The following RGS3 variants were observed in gnomAD, a reference collection of about 807,000 sequenced individuals.
The protein encoded by RGS3 is regulator of G-protein signalling 3.
RGS3 carries 80 observed loss-of-function variants against 132.6 expected under a neutral mutation model. The observed-to-expected ratio is 0.60, with a 90% CI of 0.50 to 0.73. The LOEUF is 0.73. Among genes scored for constraint, RGS3 ranks in the 30% least tolerant of loss-of-function variants. The probability of loss-of-function intolerance (pLI) is 0.00; values close to 1 mark genes in which losing one functional copy is unlikely to be tolerated. For synonymous variants in RGS3, 598 were observed against 620.6 expected (o/e 0.96, Z 0.54); for missense variants, 1,382 against 1,530.8 (o/e 0.90, Z 1.62).
Position 113,591,868 on chromosome 9 carries a change from C to T in RGS3, c.3080+471C>T. On this transcript the variant is annotated intron_variant, in intron 21 of 24. Coordinates refer to ENST00000350696, the Ensembl canonical transcript of RGS3. This position sits in a 1 kb window ranked among gnomAD's most constrained non-coding sequence, Gnocchi z 4.4. Reference sequence around the variant, plus strand: ...GCTGGCCCAGCTGCCGAATCCCGCACTCGCCAAGCCTTTCTGGCCACACTC... The same window carrying T: ...GCTGGCCCAGCTGCCGAATCCCGCATTCGCCAAGCCTTTCTGGCCACACTC... 5.8e-6 allele frequency: 1 copy of T among 170,966 alleles called. No individual in the cohort carries two copies. The highest frequency in any genetic ancestry group is 1.3e-5 in the Non-Finnish European group (1 of 77,348). The allele number at this position is 170,966 out of a possible 1,614,324, so 10.6% of individuals were successfully genotyped here. A position where few individuals can be genotyped will look rare whatever the true frequency, so the allele number is the denominator to read the frequency against.
chr9:113,482,198 C>G (rs1830186524), intron 4 of RGS3, among the ~76,000 whole-genome samples: 1 of 152,114 alleles, frequency 6.6e-6, no homozygotes. Flanking sequence ...GTGACCACAC[C>G]TGCACCCACC....
At chr9:113,515,697 G>A (rs968078923) in intron 15 of RGS3, among the ~76,000 whole-genome samples, 4 of 152,154 alleles carry the variant, frequency 2.6e-5, no homozygotes, top group Admixed American at 1.3e-4. Flanking sequence ...ATATGATAGT[G>A]TGAACATTTC....
chr9:113,456,977 A>G (rs1588128312), upstream of RGS3, among the ~76,000 whole-genome samples: 1 of 152,080 alleles, frequency 6.6e-6, no homozygotes, highest in Non-Finnish European at 1.5e-5. Flanking sequence ...TTTGTATTTT[A>G]GTAGAGATGG....
chr9:113,567,815 G>A (rs1484452410), intron 19 of RGS3, among the ~76,000 whole-genome samples: 1 of 152,230 alleles, frequency 6.6e-6, no homozygotes, highest in Non-Finnish European at 1.5e-5. Flanking sequence ...TCAGCTCCCT[G>A]GACCCTCTTG....
At chr9:113,472,358 C>T (rs1481420202) in intron 3 of RGS3, among the ~76,000 whole-genome samples, 3 of 152,058 alleles carry the variant, frequency 2.0e-5, no homozygotes, top group Non-Finnish European at 4.4e-5. Context: ...GCCAAAAAGT[C>T]GAAATAACCT....
chr9:113,546,164 T>A (rs1311602785), intron 19 of RGS3, among the ~76,000 whole-genome samples: 1 of 152,130 alleles, frequency 6.6e-6, no homozygotes, highest in Non-Finnish European at 1.5e-5. Flanking sequence ...ATTTTCCCCT[T>A]CTCTAAACTC....
chr9:113,465,691 GCCT>G (rs1184074125), intron 3 of RGS3, among the ~76,000 whole-genome samples: 2 of 152,150 alleles, frequency 1.3e-5, no homozygotes, highest in African/African-American at 4.8e-5. Context: ...CCCAGCCATG[GCCT>G]CAGGGCTGAG....
intron 20 of RGS3, chr9:113,589,342 A>G (rs1482178684): frequency 6.6e-6 from 1 of 152,104 alleles, no homozygotes; most frequent in African/African-American, 2.4e-5. Flanking sequence ...TTTCACCTCA[A>G]TTTCTCCTTG....
At chr9:113,596,205 G>A (rs891936201) in intron 24 of RGS3, among the ~76,000 whole-genome samples, 4 of 152,174 alleles carry the variant, frequency 2.6e-5, no homozygotes, top group African/African-American at 9.7e-5. Context: ...GTGGTGATGG[G>A]CGCCTGTGGT....
chr9:113,594,643 G>C (rs2119060614), intron 22 of RGS3, 112 bp downstream of exon 20: 3 of 884,100 alleles, frequency 3.4e-6, no homozygotes, highest in Non-Finnish European at 5.3e-6. Context: ...ATCCAGCTCT[G>C]GGGGAGACAG....
At chr9:113,505,837 A>G (rs72761972) in intron 11 of RGS3, among the ~76,000 whole-genome samples, 11,423 of 152,232 alleles carry the variant, frequency 0.075, 546 homozygotes, top group Non-Finnish European at 0.096. Context: ...TGTGAACTCT[A>G]TTTGAAGCTG....
At chr9:113,450,233 A>C (rs1313990654) in intron 1 of RGS3, among the ~76,000 whole-genome samples, 1 of 151,434 alleles carries the variant, frequency 6.6e-6, no homozygotes, top group Non-Finnish European at 1.5e-5. Flanking sequence ...CATGCCAGCT[A>C]AATTTTTTTT....
exon 25 of RGS3, chr9:113,597,131 G>A (rs1276161487): frequency 3.4e-6 from 2 of 592,890 alleles, no homozygotes; most frequent in Non-Finnish European, 2.9e-6. Flanking sequence ...TACTGGAGGA[G>A]TAGAAGGATG....
chr9:113,447,329 G>GTGTATATA (rs1554751009), intron 1 of RGS3, among the ~76,000 whole-genome samples: 5 of 27,536 alleles, frequency 1.8e-4, no homozygotes, highest in Non-Finnish European at 2.2e-4. Flanking sequence ...GTATGTATAT[G>GTGTATATA]TATATATATA....
chr9:113,529,668 C>T (rs1028458724), intron 18 of RGS3, among the ~76,000 whole-genome samples: 2 of 152,216 alleles, frequency 1.3e-5, no homozygotes, highest in African/African-American at 2.4e-5. Flanking sequence ...GAAGTACCAC[C>T]AACGACCCCT....
chr9:113,566,871 A>G (rs979274709), intron 19 of RGS3, among the ~76,000 whole-genome samples: 2 of 152,242 alleles, frequency 1.3e-5, no homozygotes, highest in African/African-American at 4.8e-5. Context: ...CACTGCAGGC[A>G]TAGTCAAAGT....
chr9:113,589,489 T>A (rs926783255), intron 20 of RGS3, among the ~76,000 whole-genome samples: 9 of 152,190 alleles, frequency 5.9e-5, no homozygotes, highest in Middle Eastern at 6.8e-3. Context: ...CTCCCCACAG[T>A]GGAAGGAAGA....
chr9:113,467,107 A>G (rs1829669743), intron 3 of RGS3, among the ~76,000 whole-genome samples: 2 of 152,210 alleles, frequency 1.3e-5, no homozygotes, highest in African/African-American at 4.8e-5. Flanking sequence ...CATTTTAAAA[A>G]TTTATTCATC....
chr9:113,529,747 C>A (rs1378756601), intron 18 of RGS3, among the ~76,000 whole-genome samples: 4 of 152,190 alleles, frequency 2.6e-5, no homozygotes, highest in African/African-American at 9.7e-5. Context: ...CCAGATAATA[C>A]AGGCTAAAAC....
Sources: allele counts gnomAD v4.1 joint callset (sites outside exome capture counted in the v4.1 genomes callset), GRCh38; gene constraint gnomAD v4.1.1; non-coding constraint Gnocchi (gnomAD v3.1); transcripts MANE v1.5; gene names NCBI Gene and HGNC (gene_info 2026-07-23, HGNC 2026-07-21).